Variants in ATG9B observed in about 807,000 individuals in gnomAD.
ATG9B encodes autophagy related 9B.
Under a neutral mutation model 92.9 loss-of-function variants are expected in ATG9B, and 92 were observed. The ratio of observed to expected loss-of-function variants is 0.99; its 90% CI spans 0.84 to 1.18. The LOEUF is 1.18. Among genes scored for constraint, ATG9B ranks in the 50% most tolerant of loss-of-function variants. The pLI is 0.00. For synonymous variants in ATG9B, 599 were observed against 551.4 expected (o/e 1.09, Z -1.21); for missense variants, 1,344 against 1,235.0 (o/e 1.09, Z -1.32).
rs1372907496 is a variant in ATG9B at position 151,018,628 on chromosome 7, G to A, written c.1710C>T (p.Thr570=). The change falls in exon 6 of 14, where the codon ACC becomes ACT. Residue 570 remains threonine (T), a synonymous_variant. Coordinates refer to ENST00000639579, the MANE Select transcript of ATG9B (RefSeq NM_001317056.2). This position sits in a 1 kb window ranked among gnomAD's most constrained non-coding sequence, Gnocchi z 4.7. ...TAMTALGVTA[T]VARSFIPEEQ... ...GGCATCTGCCGTCGCACCTGGCGAC[G>A]GTGGCGGTGACCCCGAGCGCGGTCA... The A allele has an allele frequency of 6.2e-7, 1 of 1,604,648 alleles. No homozygotes were observed. Among genetic ancestry groups the A allele is most frequent in the South Asian group, 1.1e-5 (1 of 90,886 alleles).
chr7:151,014,214 G>T, downstream of ATG9B: 1 of 1,552,874 alleles, frequency 6.4e-7, no homozygotes, highest in Admixed American at 1.8e-5. Flanking sequence ...GCGGCTGCCC[G>T]ACTCAGGTCC....
In ATG9B at chr7:151,023,900, AG is replaced by A. The variant is rs1462550201; in HGVS notation, c.523del (p.Leu175CysfsTer85). On this transcript the variant is annotated frameshift_variant, in exon 1 of 14. Coordinates refer to ENST00000639579, the MANE Select transcript of ATG9B (RefSeq NM_001317056.2). LOFTEE classifies it high-confidence loss of function. The part of the protein sequence containing the change: ...SPIHGEEQQP[L>X]LHVPEGLRGS... ...TCGGAGCCCTTCAGGGACATGAAGC[AG>A]GGGTTGCTGCTCCTCCCCGTGGATG... The A allele has an allele frequency of 4.4e-6, 7 of 1,608,726 alleles. No individual in the cohort carries two copies. Among genetic ancestry groups the A allele is most frequent in the Non-Finnish European group, 5.9e-6 (7 of 1,177,914 alleles).
downstream of ATG9B, chr7:151,014,471 C>T (rs1475628717): frequency 7.2e-6 from 3 of 417,422 alleles, no homozygotes; most frequent in East Asian, 1.1e-4. Context: ...TCTTGCCTCT[C>T]TCAGGAGTAT....
At chr7:151,013,676 C>A, downstream of ATG9B, 1 of 1,454,328 alleles carries the variant, frequency 6.9e-7, no homozygotes, top group Non-Finnish European at 9.3e-7. Context: ...GGGCTGCGCC[C>A]CCGCGCCCAC....
rs778121346 is a variant in ATG9B, at chr7:151,016,381, G to T, written c.2520+50C>A. 1.4e-5 allele frequency: 21 copies of T among 1,537,668 alleles called. No individual in the cohort carries two copies. In the Middle Eastern group the frequency reaches 8.4e-4, roughly 61 times the overall value. On this transcript the variant is annotated intron_variant, in intron 11 of 13. Transcript: ENST00000639579. ...TCCACCCCACCTCAGTCTCCATGTT[G>T]TTCACCTGCCTTCTCTCCACATTTC... is the stretch of plus-strand genomic sequence containing the variant.
chr7:151,013,464 C>T, downstream of ATG9B: 1 of 1,490,162 alleles, frequency 6.7e-7, no homozygotes, highest in Non-Finnish European at 9.0e-7. Context: ...ACACCAACCA[C>T]GGCCCTCCCG....
chr7:151,023,720 A>T lies in ATG9B; in HGVS notation c.561T>A (p.His187Gln). ...AGAAACTGTCCAGGTTCTGGATGTG[A>T]TGCCAGGAGCCTGGGCACAGAGGGG... ...HVPEGLRGSW[H>Q]HIQNLDSFFT... The change falls in exon 2 of 14, where the codon CAT becomes CAA. Residue 187 changes from histidine (H) to glutamine (Q), a missense_variant. Coordinates refer to ENST00000639579, the MANE Select transcript of ATG9B (RefSeq NM_001317056.2). The T allele has an allele frequency of 6.2e-7, 1 of 1,613,936 alleles. No homozygotes were observed. Among genetic ancestry groups the T allele is most frequent in the East Asian group, 2.2e-5 (1 of 44,890 alleles).
At position 151,024,396 on chromosome 7, in the gene ATG9B, TC is replaced by T. The variant is rs760721903; in HGVS notation, c.27del (p.Arg10GlufsTer96). On this transcript the variant is annotated frameshift_variant, in exon 1 of 14. Transcript: ENST00000639579. LOFTEE classifies it high-confidence loss of function. ...CCCCACCGCCCCAGCCGCCTTCTTC[TC>T]CCCCCCCAGCCCATTCGGCTCACCA... Reference protein sequence around the residue: MVSRMGWGGRRRRLGRWGD... With the variant: MVSRMGWGXRRRRLGRWGD... The T allele has an allele frequency of 8.2e-5, 111 of 1,353,202 alleles. No individual in the cohort carries two copies. Among genetic ancestry groups the T allele is most frequent in the South Asian group, 3.0e-4 (13 of 43,956 alleles). 83.8% of individuals were successfully genotyped at this position (1,353,202 alleles called of 1,614,324 possible).
chr7:151,012,276 T>C (rs994233524), downstream of ATG9B: 4 of 1,319,906 alleles, frequency 3.0e-6, no homozygotes, highest in Admixed American at 5.1e-5. Flanking sequence ...TCCTCCTTGC[T>C]CCACCCACCC....
At chr7:151,022,964 C>T (rs1025186106) in intron 4 of ATG9B, 81 bp downstream of exon 4, 42 of 1,561,916 alleles carry the variant, frequency 2.7e-5, no homozygotes, top group South Asian at 2.3e-4. Context: ...ATCTAGATGA[C>T]GGGACAAAGT....
chr7:151,013,004 C>T (rs1563235048), downstream of ATG9B: 1 of 553,772 alleles, frequency 1.8e-6, no homozygotes, highest in South Asian at 2.4e-5. Flanking sequence ...AGCGCAGCTC[C>T]ACCAGGGGCC....
chr7:151,013,395 G>A, downstream of ATG9B: 7 of 1,605,026 alleles, frequency 4.4e-6, no homozygotes, highest in Non-Finnish European at 4.3e-6. Flanking sequence ...AGACCCTGAG[G>A]GCGCAATGGT....
chr7:151,024,240 A>C lies in ATG9B; in HGVS notation c.184T>G (p.Ser62Ala), dbSNP rs756849568. The change falls in exon 1 of 14, where the codon TCC becomes GCC. Residue 62 changes from serine to alanine, a missense_variant. Physicochemically the swap from Ser to Ala is moderately conservative, Grantham distance 99. Coordinates refer to ENST00000639579, the MANE Select transcript of ATG9B (RefSeq NM_001317056.2). Reference sequence around the variant, plus strand: ...GTGGGAGGGGAAAATGAGGAGGGGGAGCTTCTTGTATGAGGGGCAGGGGAC... The same window carrying C: ...GTGGGAGGGGAAAATGAGGAGGGGGCGCTTCTTGTATGAGGGGCAGGGGAC... ...SLSPAPHTRS[S>A]PSSFSPPTAG... The C allele has an allele frequency of 4.1e-6, 6 of 1,471,056 alleles. No individual in the cohort carries two copies. The African/African-American group carries it at 8.5e-5, about 21-fold the overall frequency. 91.1% of individuals were successfully genotyped at this position (1,471,056 alleles called of 1,614,324 possible).
chr7:151,012,753 T>C (rs1307022757), downstream of ATG9B: 2 of 372,136 alleles, frequency 5.4e-6, no homozygotes, highest in Admixed American at 7.9e-5. Flanking sequence ...AAAGAAGAAC[T>C]GCCCAAGGTG....
At chr7:151,012,218 GTTT>G (rs978902057), downstream of ATG9B, 3 of 519,322 alleles carry the variant, frequency 5.8e-6, no homozygotes, top group African/African-American at 6.0e-5. Flanking sequence ...GTTGTTTTTT[GTTT>G]TTTGTTTTTT....
downstream of ATG9B, chr7:151,012,555 G>T: frequency 6.7e-7 from 1 of 1,484,544 alleles, no homozygotes. Flanking sequence ...CAGGAAATAG[G>T]AAAGAGAGGG....
At chr7:151,017,457 C>T (rs1231997964) in intron 8 of ATG9B, among the ~76,000 whole-genome samples, 185 bp from the exon 9 acceptor site, 1 of 152,198 alleles carries the variant, frequency 6.6e-6, no homozygotes, top group Non-Finnish European at 1.5e-5. Flanking sequence ...CACCCCTGGA[C>T]TGATTGCCAG....
At chr7:151,012,218 G>GTTTTTTTTTTT, downstream of ATG9B, 1 of 522,030 alleles carries the variant, frequency 1.9e-6, no homozygotes, top group Non-Finnish European at 3.1e-6. Context: ...GTTGTTTTTT[G>GTTTTTTTTTTT]TTTTTTGTTT....
rs755625460 is a variant in ATG9B at position 151,018,294 on chromosome 7, C to T, written c.1872G>A (p.Ala624=). 1 of 1,546,370 alleles carries T rather than the reference C, an allele frequency of 6.5e-7. No homozygotes were observed. Among genetic ancestry groups the T allele is most frequent in the Admixed American group, 2.1e-5 (1 of 48,576 alleles). The change falls in exon 7 of 14, where the codon GCG becomes GCA. Residue 624 remains alanine, a splice_region_variant and synonymous_variant. Transcript: ENST00000639579. This position sits in a 1 kb window ranked among gnomAD's most constrained non-coding sequence, Gnocchi z 4.7. ...AGCCCGCCGTCGCGCCCACCCTCAC[C>T]GCTCGGTACTGCAGCAGCTGCGCCA... ...RQMAQLLQYR[A]VSLLEELLSP...
Sources: gnomAD v4.1 joint callset for allele counts (sites outside exome capture counted in the v4.1 genomes callset) on GRCh38, gnomAD v4.1.1 for gene constraint, Gnocchi (gnomAD v3.1) non-coding constraint, MANE v1.5 for transcripts, NCBI Gene and HGNC (gene_info 2026-07-23, HGNC 2026-07-21) for gene names.